Variants in HPSE2 observed in about 807,000 individuals in gnomAD.
HPSE2 encodes inactive heparanase-2.
HPSE2 carries 38 observed loss-of-function variants against 60.5 expected under a neutral mutation model. The observed-to-expected ratio is 0.63, with a 90% CI of 0.48 to 0.82. The LOEUF is 0.82. Ranked by LOEUF, HPSE2 falls within the 40% of genes least tolerant of loss-of-function variation. The pLI, the probability that HPSE2 is intolerant of heterozygous loss-of-function variation, is 0.00. For missense variants in HPSE2, 713 were observed against 740.4 expected (o/e 0.96, Z 0.43); for synonymous variants, 295 against 293.2 (o/e 1.01, Z -0.06).
chr10:99,105,326 G>T (rs552732376), intron 3 of HPSE2, among the ~76,000 whole-genome samples: 4 of 152,136 alleles, frequency 2.6e-5, no homozygotes. Flanking sequence ...CAACTTTCCT[G>T]TTGGTTAATG....
the HPSE2 span, among the ~76,000 whole-genome samples, chr10:99,289,278 T>A: frequency 5.3e-5 from 8 of 152,220 alleles, no homozygotes; most frequent in African/African-American, 1.9e-4. Flanking sequence ...AAATAGAAGA[T>A]GAAACAATTT....
At chr10:98,885,441 T>C (rs185854923) in intron 3 of HPSE2, among the ~76,000 whole-genome samples, 1 of 152,222 alleles carries the variant, frequency 6.6e-6, no homozygotes, top group Admixed American at 6.5e-5. Flanking sequence ...AATTCTACTG[T>C]GGGTAAAATG....
At chr10:99,020,334 T>C (rs1364543119) in intron 3 of HPSE2, among the ~76,000 whole-genome samples, 1 of 152,178 alleles carries the variant, frequency 6.6e-6, no homozygotes, top group Non-Finnish European at 1.5e-5. Context: ...TCAACGAATG[T>C]ATAGTTGTTA....
intron 2 of HPSE2, among the ~76,000 whole-genome samples, chr10:99,218,739 A>G (rs1279054831): frequency 6.6e-6 from 1 of 152,208 alleles, no homozygotes; most frequent in Non-Finnish European, 1.5e-5. Flanking sequence ...CTATGAAACA[A>G]TAGCACTTAT....
chr10:98,743,835 T>C (rs1949560322), intron 4 of HPSE2, 48 bp downstream of exon 4: 1 of 1,542,232 alleles, frequency 6.5e-7, no homozygotes, highest in Non-Finnish European at 9.0e-7. Flanking sequence ...GCCAACTTAT[T>C]TTTCCCCTTT....
At chr10:98,742,953 TCTTTTTTTTC>T (rs1458866341) in intron 4 of HPSE2, among the ~76,000 whole-genome samples, 6 of 145,622 alleles carry the variant, frequency 4.1e-5, no homozygotes, top group East Asian at 4.1e-4. Flanking sequence ...ATGGGTCTCT[TCTTTTTTTTC>T]CTTTTCTTTT....
intron 7 of HPSE2, among the ~76,000 whole-genome samples, chr10:98,628,013 C>A (rs1450919947): frequency 6.6e-6 from 1 of 152,116 alleles, no homozygotes; most frequent in Non-Finnish European, 1.5e-5. Context: ...GCCACATGAA[C>A]AAATATACAC....
At chr10:99,235,035 G>C (rs1280567896) in intron 1 of HPSE2, among the ~76,000 whole-genome samples, 2 of 151,746 alleles carry the variant, frequency 1.3e-5, no homozygotes, top group Non-Finnish European at 2.9e-5. Context: ...CGATCTTTCC[G>C]TGGAAAATTC....
chr10:99,306,384 A>G, the HPSE2 span, among the ~76,000 whole-genome samples: 1 of 152,060 alleles, frequency 6.6e-6, no homozygotes, highest in Non-Finnish European at 1.5e-5. Context: ...GCCCTGGCCA[A>G]TGTGCACTTA....
chr10:98,951,654 A>G lies in HPSE2; in HGVS notation c.610+192584T>C, dbSNP rs1955360689. ...GAAAATGGGAATTCTGAAGATGTTT[A>G]AAAGACTTGGTGTCTATGAGGATCT... On this transcript the variant is annotated intron_variant, in intron 3 of 11. Coordinates refer to ENST00000370552, the MANE Select transcript of HPSE2 (RefSeq NM_021828.5). Among the ~76,000 whole-genome samples, 3 of 152,164 alleles carry G rather than the reference A, an allele frequency of 2.0e-5. 1 individual carries two copies. In the South Asian group the frequency reaches 6.2e-4, roughly 32 times the overall value.
chr10:98,755,369 A>C (rs973341410), intron 3 of HPSE2, among the ~76,000 whole-genome samples: 5 of 152,240 alleles, frequency 3.3e-5, no homozygotes, highest in African/African-American at 1.2e-4. Context: ...CCAGATTCAT[A>C]AAACAAGTTA....
intron 3 of HPSE2, among the ~76,000 whole-genome samples, chr10:98,990,453 G>C (rs10883241): frequency 6.6e-6 from 1 of 151,906 alleles, no homozygotes; most frequent in East Asian, 1.9e-4. Context: ...AGGCAGTAAC[G>C]CCAAGTGATG....
chr10:99,205,329 C>T (rs1463128539), intron 2 of HPSE2, among the ~76,000 whole-genome samples: 1 of 152,074 alleles, frequency 6.6e-6, no homozygotes, highest in Non-Finnish European at 1.5e-5. Context: ...TGGCTCACAC[C>T]TATAATCCCA....
At chr10:98,900,143 G>A (rs1297686022) in intron 3 of HPSE2, among the ~76,000 whole-genome samples, 7 of 152,142 alleles carry the variant, frequency 4.6e-5, no homozygotes, top group Admixed American at 2.0e-4. Flanking sequence ...CATATTCATA[G>A]TAGCTTTATC....
At chr10:98,507,393 A>C (rs1435069894) in intron 9 of HPSE2, among the ~76,000 whole-genome samples, 10 of 152,206 alleles carry the variant, frequency 6.6e-5, no homozygotes, top group Non-Finnish European at 7.3e-5. Context: ...TAGGAAGACG[A>C]CGTTATTGAC....
intron 9 of HPSE2, among the ~76,000 whole-genome samples, chr10:98,492,510 C>CAAAAAAAAAAAAAAAA (rs10645866): frequency 1.8e-5 from 2 of 112,142 alleles, no homozygotes; most frequent in African/African-American, 3.5e-5. Context: ...TCAAAAAAGA[C>CAAAAAAAAAAAAAAAA]AAAAAAAAAA....
intron 4 of HPSE2, among the ~76,000 whole-genome samples, chr10:98,724,791 C>G (rs533960777): frequency 6.6e-6 from 1 of 152,202 alleles, no homozygotes; most frequent in South Asian, 2.1e-4. Flanking sequence ...ATTGCAAACC[C>G]TCAGGACACA....
At chr10:99,207,039 T>C (rs556039242) in intron 2 of HPSE2, among the ~76,000 whole-genome samples, 129 of 152,184 alleles carry the variant, frequency 8.5e-4, no homozygotes, top group African/African-American at 3.1e-3. Flanking sequence ...GATATAAATA[T>C]CCAGGCACAG....
chr10:99,115,255 C>G (rs10883269), intron 3 of HPSE2, among the ~76,000 whole-genome samples: 76,231 of 150,712 alleles, frequency 0.51, 21,007 homozygotes, highest in East Asian at 0.65. Context: ...CCGGGTTCAC[C>G]CCATTCTCCT....
Sources: allele counts gnomAD v4.1 joint callset (sites outside exome capture counted in the v4.1 genomes callset), GRCh38; gene constraint gnomAD v4.1.1; transcripts MANE v1.5; gene names NCBI Gene and HGNC (gene_info 2026-07-23, HGNC 2026-07-21).